XXYLT1: variants seen among roughly 807,000 people sequenced by gnomAD.
XXYLT1 encodes UDP-xylose:alpha-xyloside alpha-1,3-xylosyltransferase.
Under a neutral mutation model 28.9 loss-of-function variants are expected in XXYLT1, and 20 were observed. That is an observed-to-expected ratio of 0.69 (90% CI 0.49 to 1.00). The LOEUF is 1.00. Ranked by LOEUF, XXYLT1 falls within the 50% of genes least tolerant of loss-of-function variation. The pLI, the probability that XXYLT1 is intolerant of heterozygous loss-of-function variation, is 0.00. For missense variants in XXYLT1, 542 were observed against 560.1 expected (o/e 0.97, Z 0.33); for synonymous variants, 257 against 253.8 (o/e 1.01, Z -0.12).
chr3:195,238,262 G>C (rs1724637560), intron 1 of XXYLT1, among the ~76,000 whole-genome samples: 1 of 152,098 alleles, frequency 6.6e-6, no homozygotes. Flanking sequence ...CCCACCGTCT[G>C]TAATTACCTC....
chr3:195,258,381 A>T (rs193169616), intron 1 of XXYLT1, among the ~76,000 whole-genome samples: 2 of 152,238 alleles, frequency 1.3e-5, no homozygotes, highest in Non-Finnish European at 2.9e-5. Flanking sequence ...AAATGACTAT[A>T]AACAGTTACT....
At chr3:195,259,218 C>T (rs1017641571) in intron 1 of XXYLT1, among the ~76,000 whole-genome samples, 1 of 152,266 alleles carries the variant, frequency 6.6e-6, no homozygotes, top group African/African-American at 2.4e-5. Flanking sequence ...TAACAGTCAT[C>T]GCCCTAATAA....
intron 2 of XXYLT1, among the ~76,000 whole-genome samples, chr3:195,163,554 C>T (rs370324513): frequency 3.3e-5 from 5 of 152,222 alleles, no homozygotes; most frequent in Admixed American, 6.5e-5. Flanking sequence ...CATGTTGCAA[C>T]GTTCAAAATA....
intron 3 of XXYLT1, chr3:195,096,101 C>T (rs1305755394): frequency 6.6e-6 from 1 of 152,334 alleles, no homozygotes; most frequent in Non-Finnish European, 1.5e-5. Context: ...TATGGACACC[C>T]ACCCAGCCTT....
intron 3 of XXYLT1, among the ~76,000 whole-genome samples, chr3:195,082,320 G>A (rs78143856): frequency 0.022 from 3,350 of 152,240 alleles, 111 homozygotes; most frequent in African/African-American, 0.074. Context: ...AGTCTCAGGC[G>A]TTTGCCTCCC....
At chr3:195,172,130 A>G (rs989820393) in intron 2 of XXYLT1, among the ~76,000 whole-genome samples, 1 of 152,190 alleles carries the variant, frequency 6.6e-6, no homozygotes, top group African/African-American at 2.4e-5. Context: ...TAATTCCTTT[A>G]ACATTAACAA....
intron 2 of XXYLT1, among the ~76,000 whole-genome samples, chr3:195,177,561 C>G (rs1721730247): frequency 6.6e-6 from 1 of 152,124 alleles, no homozygotes; most frequent in African/African-American, 2.4e-5. Flanking sequence ...CATGAAAGCC[C>G]TGCAGTGGCA....
rs534079349 is a variant in XXYLT1, at chr3:195,258,946, A to G, written c.504+11609T>C. ...ACTGCCCTCCAACTGAATCAACGGT[A>G]TCAGCATGGTGAATAAACAGGTATG... is the stretch of plus-strand genomic sequence containing the variant. On this transcript the variant is annotated intron_variant, in intron 1 of 3. Coordinates refer to ENST00000310380, the MANE Select transcript of XXYLT1 (RefSeq NM_152531.5). Among the ~76,000 whole-genome samples, 21 of 152,404 alleles carry G rather than the reference A, an allele frequency of 1.4e-4. No homozygotes were observed. The East Asian group carries it at 3.3e-3, about 24-fold the overall frequency.
chr3:195,120,683 G>C (rs962812165), intron 3 of XXYLT1, among the ~76,000 whole-genome samples: 2 of 152,204 alleles, frequency 1.3e-5, no homozygotes, highest in Non-Finnish European at 2.9e-5. Context: ...TAGTAACTCT[G>C]AGAGTGAAAC....
chr3:195,181,920 C>A (rs1721970509), intron 2 of XXYLT1, among the ~76,000 whole-genome samples: 1 of 152,212 alleles, frequency 6.6e-6, no homozygotes, highest in Non-Finnish European at 1.5e-5. Context: ...CACCCAAGGT[C>A]TCCAATAAAA....
At chr3:195,109,631 CTGTG>C (rs573711757) in intron 3 of XXYLT1, among the ~76,000 whole-genome samples, 1 of 69,046 alleles carries the variant, frequency 1.4e-5, no homozygotes, top group Non-Finnish European at 3.1e-5. Flanking sequence ...TGTGTGGTGT[CTGTG>C]TGGTGTGTGT....
chr3:195,141,366 A>G (rs1459322870), intron 3 of XXYLT1, among the ~76,000 whole-genome samples: 2 of 152,232 alleles, frequency 1.3e-5, no homozygotes, highest in Admixed American at 6.5e-5. Context: ...AAATACTTGC[A>G]TAGTTTGCTA....
At chr3:195,267,645 A>C (rs2108861211) in intron 1 of XXYLT1, among the ~76,000 whole-genome samples, 1 of 152,362 alleles carries the variant, frequency 6.6e-6, no homozygotes, top group African/African-American at 2.4e-5. Flanking sequence ...TTTAGAGTCT[A>C]GCAAGGAAGA....
At chr3:195,232,786 T>C (rs1359513566) in intron 1 of XXYLT1, among the ~76,000 whole-genome samples, 1 of 152,218 alleles carries the variant, frequency 6.6e-6, no homozygotes, top group East Asian at 1.9e-4. Flanking sequence ...AAGATTTGTT[T>C]TGCAACCTAG....
intron 2 of XXYLT1, among the ~76,000 whole-genome samples, chr3:195,193,819 G>A (rs950630012): frequency 6.6e-5 from 10 of 152,148 alleles, no homozygotes; most frequent in African/African-American, 2.4e-4. Flanking sequence ...GTAAAGGACA[G>A]TCAATTAGAT....
rs1379383072 is a variant in XXYLT1, at chr3:195,110,396, TTA to T, written c.786-40287_786-40286del. 1.2e-4 allele frequency among the ~76,000 whole-genome samples: 13 copies of T among 112,278 alleles called. 1 individual carries two copies. The highest frequency in any genetic ancestry group is 4.5e-4 in the African/African-American group (13 of 28,664). 73.7% of individuals were successfully genotyped at this position (112,278 alleles called of 152,430 possible). A position where few individuals can be genotyped will look rare whatever the true frequency, so the allele number is the denominator to read the frequency against. On this transcript the variant is annotated intron_variant, in intron 3 of 3. Transcript: ENST00000310380. Reference sequence around the variant, plus strand: ...GTGCTGTATAAGTGTGTGTGGTGTGTTATGTGTGTATAAGTGCGTCTGTGGTG... The same window carrying T: ...GTGCTGTATAAGTGTGTGTGGTGTGTTGTGTGTATAAGTGCGTCTGTGGTG...
In XXYLT1 at chr3:195,210,584, C is replaced by T. The variant is rs1343380514; in HGVS notation, c.652+16125G>A. 6.6e-6 allele frequency among the ~76,000 whole-genome samples: 1 copy of T among 151,658 alleles called. No homozygotes were observed. Among genetic ancestry groups the T allele is most frequent in the Admixed American group, 6.6e-5 (1 of 15,236 alleles). On this transcript the variant is annotated intron_variant, in intron 2 of 3. Transcript: ENST00000310380. This position sits in a 1 kb window ranked among gnomAD's most constrained non-coding sequence, Gnocchi z 4.8. ...CAAAACGGGAAATATTACTGTTCAA[C>T]CAATTTGGCAACTATTTTCATTAGC...
At chr3:195,248,144 G>A (rs573747912) in intron 1 of XXYLT1, among the ~76,000 whole-genome samples, 55 of 152,212 alleles carry the variant, frequency 3.6e-4, no homozygotes, top group Non-Finnish European at 6.5e-4. Flanking sequence ...GCAAAAGGGC[G>A]TCCTGTGGGC....
chr3:195,118,586 G>A (rs931115099), intron 3 of XXYLT1, among the ~76,000 whole-genome samples: 2 of 105,376 alleles, frequency 1.9e-5, no homozygotes, highest in South Asian at 5.4e-4. Context: ...TGCAGCAGGG[G>A]CACTGGGCAT....
Sources: gnomAD v4.1 joint callset for allele counts (sites outside exome capture counted in the v4.1 genomes callset) on GRCh38, gnomAD v4.1.1 for gene constraint, Gnocchi (gnomAD v3.1) non-coding constraint, MANE v1.5 for transcripts, NCBI Gene and HGNC (gene_info 2026-07-23, HGNC 2026-07-21) for gene names.